Variants in HTR2A observed in about 807,000 individuals in gnomAD.
HTR2A encodes 5-hydroxytryptamine receptor 2A, also known as 5-HT2 receptor.
HTR2A carries 14 observed loss-of-function variants against 31.0 expected under a neutral mutation model. That is an observed-to-expected ratio of 0.45 (90% confidence interval 0.30 to 0.71). The LOEUF (loss-of-function observed/expected upper bound fraction) is 0.71. HTR2A is among the 30% of genes least tolerant of loss of function. The pLI, the probability that HTR2A is intolerant of heterozygous loss-of-function variation, is 0.09. For synonymous variants in HTR2A, 209 were observed against 225.2 expected (o/e 0.93, Z 0.64); for missense variants, 442 against 573.3 (o/e 0.77, Z 2.34).
At chr13:46,874,909 GA>G (rs1235414916) in intron 3 of HTR2A, among the ~76,000 whole-genome samples, 6 of 152,232 alleles carry the variant, frequency 3.9e-5, no homozygotes, top group Non-Finnish European at 7.3e-5. Context: ...CACAGTGCTT[GA>G]AGCACAGCCA....
chr13:46,893,812 A>G (rs558566972), intron 2 of HTR2A, among the ~76,000 whole-genome samples: 1 of 152,320 alleles, frequency 6.6e-6, no homozygotes, highest in South Asian at 2.1e-4. Context: ...GGAAAATTTT[A>G]AAGTCCACTT....
At chr13:46,856,650 T>C (rs1479522922) in intron 3 of HTR2A, among the ~76,000 whole-genome samples, 1 of 152,154 alleles carries the variant, frequency 6.6e-6, no homozygotes, top group Non-Finnish European at 1.5e-5. Context: ...TATCATGTAG[T>C]ACGATGACTC....
At chr13:46,836,624 C>T (rs1036625928) in intron 3 of HTR2A, among the ~76,000 whole-genome samples, 4 of 152,088 alleles carry the variant, frequency 2.6e-5, no homozygotes, top group African/African-American at 9.7e-5. Flanking sequence ...AAAAACCAAA[C>T]CCAGTACAGT....
chr13:46,862,035 A>G (rs1413537935), intron 3 of HTR2A, among the ~76,000 whole-genome samples: 1 of 152,220 alleles, frequency 6.6e-6, no homozygotes, highest in Non-Finnish European at 1.5e-5. Flanking sequence ...TTTCTGGGTC[A>G]GTGGTCCAGG....
At chr13:46,882,237 AAAG>A (rs995576699) in intron 3 of HTR2A, among the ~76,000 whole-genome samples, 46 of 151,940 alleles carry the variant, frequency 3.0e-4, no homozygotes, top group African/African-American at 1.0e-3. Context: ...GTTAAAAAAA[AAAG>A]AGAAAGTACT....
At chr13:46,894,496 T>G (rs1238128687) in intron 2 of HTR2A, among the ~76,000 whole-genome samples, 1 of 152,230 alleles carries the variant, frequency 6.6e-6, no homozygotes, top group African/African-American at 2.4e-5. Flanking sequence ...TTGTGCAAAC[T>G]GGCGCCTGCT....
chr13:46,866,795 G>A (rs992391510), intron 3 of HTR2A, among the ~76,000 whole-genome samples: 1 of 152,220 alleles, frequency 6.6e-6, no homozygotes, highest in African/African-American at 2.4e-5. Context: ...GGGAGGCCAA[G>A]GTGGGTGGAT....
In HTR2A at chr13:46,835,214, C is replaced by T. The variant is rs750689390; in HGVS notation, c.1039G>A (p.Val347Ile). The stretch of plus-strand genomic sequence containing the variant: ...TCATTGCAGGACTCTTTGCAGATGA[C>T]GGCCATGATGTTTGTGATGAAGAAA... ...CPFFITNIMA[V>I]ICKESCNEDV... Residue 347 changes from valine to isoleucine, a missense_variant, in exon 4 of 4, where the codon GTC becomes ATC. Val to Ile is a conservative substitution (Grantham distance 29). Transcript: ENST00000542664. 18 of 1,613,926 alleles carry T rather than the reference C, an allele frequency of 1.1e-5. No individual in the cohort carries two copies. The highest frequency in any genetic ancestry group is 1.4e-5 in the Non-Finnish European group (17 of 1,180,008).
At chr13:46,848,963 C>T (rs1950662805) in intron 3 of HTR2A, among the ~76,000 whole-genome samples, 1 of 152,140 alleles carries the variant, frequency 6.6e-6, no homozygotes, top group African/African-American at 2.4e-5. Flanking sequence ...ACAAAACCTC[C>T]ACCCCAAGGG....
Position 46,882,805 on chromosome 13 carries a change from T to A in HTR2A, c.613+9585A>T, listed in dbSNP as rs78728191. On this transcript the variant is annotated intron_variant, in intron 3 of 3. Coordinates refer to ENST00000542664, the MANE Select transcript of HTR2A (RefSeq NM_000621.5). ...TACATTTACTCAATCTTTAACCTCATAAAGACAGAAAATAAATTAGCATCT... is the reference window on the plus strand; with the variant it reads ...TACATTTACTCAATCTTTAACCTCAAAAAGACAGAAAATAAATTAGCATCT... 5.3e-3 allele frequency among the ~76,000 whole-genome samples: 814 copies of A among 152,356 alleles called. 8 individuals carry two copies. The highest frequency in any genetic ancestry group is 0.019 in the African/African-American group (780 of 41,576).
At chr13:46,841,051 TTTGACAG>T (rs1270170548) in intron 3 of HTR2A, among the ~76,000 whole-genome samples, 1 of 152,094 alleles carries the variant, frequency 6.6e-6, no homozygotes. Context: ...GTTTTATGTG[TTTGACAG>T]TTCCTCCTTC....
intron 3 of HTR2A, among the ~76,000 whole-genome samples, chr13:46,873,018 G>A (rs984499073): frequency 6.6e-6 from 1 of 152,220 alleles, no homozygotes; most frequent in African/African-American, 2.4e-5. Flanking sequence ...GTAGCTGGGC[G>A]TGAGCCACCG....
intron 3 of HTR2A, among the ~76,000 whole-genome samples, chr13:46,844,297 G>C (rs963573081): frequency 5.3e-5 from 8 of 152,116 alleles, no homozygotes; most frequent in African/African-American, 1.9e-4. Flanking sequence ...AGAGAGAGTT[G>C]GGAATTATAA....
At chr13:46,846,328 A>T (rs749934106) in intron 3 of HTR2A, among the ~76,000 whole-genome samples, 1 of 152,236 alleles carries the variant, frequency 6.6e-6, no homozygotes, top group African/African-American at 2.4e-5. Context: ...GCTGGCAATT[A>T]TAGAGAAGAA....
intron 3 of HTR2A, among the ~76,000 whole-genome samples, chr13:46,891,484 G>C (rs961783961): frequency 2.6e-5 from 4 of 152,200 alleles, no homozygotes; most frequent in African/African-American, 9.7e-5. Flanking sequence ...GTATTATTGT[G>C]TTGGCTCTTA....
At chr13:46,891,772 G>A (rs1951054712) in intron 3 of HTR2A, among the ~76,000 whole-genome samples, 1 of 152,204 alleles carries the variant, frequency 6.6e-6, no homozygotes, top group Admixed American at 6.5e-5. Context: ...ACTATTAGGT[G>A]TGTGACAGAA....
At chr13:46,853,751 C>G (rs1950709564) in intron 3 of HTR2A, among the ~76,000 whole-genome samples, 1 of 152,172 alleles carries the variant, frequency 6.6e-6, no homozygotes, top group African/African-American at 2.4e-5. Context: ...ATCTACGACT[C>G]TCAGCTGTCA....
chr13:46,889,572 GTAAGACAGTAT>G (rs1951034423), intron 3 of HTR2A, among the ~76,000 whole-genome samples: 1 of 152,156 alleles, frequency 6.6e-6, no homozygotes, highest in South Asian at 2.1e-4. Flanking sequence ...TTCCAGGAAT[GTAAGACAGTAT>G]TACATTTAGA....
At chr13:46,887,745 A>G (rs1393630300) in intron 3 of HTR2A, among the ~76,000 whole-genome samples, 1 of 152,218 alleles carries the variant, frequency 6.6e-6, no homozygotes, top group Non-Finnish European at 1.5e-5. Flanking sequence ...TGATGAGAGG[A>G]CTAGTAACAG....
Sources: allele counts gnomAD v4.1 joint callset (sites outside exome capture counted in the v4.1 genomes callset), GRCh38; gene constraint gnomAD v4.1.1; transcripts MANE v1.5; gene names NCBI Gene and HGNC (gene_info 2026-07-23, HGNC 2026-07-21).